NUP62CL: variants seen among roughly 807,000 people sequenced by gnomAD.
NUP62CL encodes nucleoporin 62 C-terminal like, also known as nucleoporin-62 C-terminal-like protein.
A neutral mutation model predicts 15.3 loss-of-function variants in NUP62CL; 13 were observed. The ratio of observed to expected loss-of-function variants is 0.85; its 90% confidence interval spans 0.55 to 1.35. The LOEUF is 1.35. Ranked by LOEUF, NUP62CL falls within the 40% of genes most tolerant of loss-of-function variation. NUP62CL has a pLI of 0.00. For missense variants in NUP62CL, 123 were observed against 130.6 expected, an observed-to-expected ratio of 0.94 and a Z score of 0.28; for synonymous variants, 54 against 49.2, an observed-to-expected ratio of 1.10 and a Z score of -0.41.
At chrX:107,161,855 A>G (rs1339419304) in intron 4 of NUP62CL, among the ~76,000 whole-genome samples, 1 of 106,521 alleles carries the variant, frequency 9.4e-6, no homozygotes, top group African/African-American at 3.4e-5. Context: ...CTATCATATC[A>G]AAACCGAGAA....
rs183874675 is a variant in NUP62CL at position 107,187,667 on chromosome X, G to A, written c.-48+5362C>T. On this transcript the variant is annotated intron_variant, in intron 2 of 8. Transcript: ENST00000372466. ...CCCGCCTAGGCCTCCCAAAGTGCTG[G>A]GATTACAGGCGTGAGCCACTGCACC... 7.8e-3 allele frequency among the ~76,000 whole-genome samples: 875 copies of A among 112,773 alleles called. 12 individuals are homozygous for A. The highest frequency in any genetic ancestry group is 0.026 in the African/African-American group (818 of 31,071).
At chrX:107,189,864 AGGAAAAAGAAAGAAAAGAAAGAAAGAAAG>A (rs1482503090) in intron 2 of NUP62CL, among the ~76,000 whole-genome samples, 2 of 83,349 alleles carry the variant, frequency 2.4e-5, no homozygotes, top group Non-Finnish European at 4.7e-5. Context: ...GAAGGAAGGA[AGGAAAAAGAAAGAAAAGAAAGAAAGAAAG>A]AAAGAAAGAA....
intron 8 of NUP62CL, among the ~76,000 whole-genome samples, chrX:107,139,387 C>T (rs766462076): frequency 8.9e-6 from 1 of 111,872 alleles, no homozygotes; most frequent in South Asian, 3.8e-4. Context: ...AGTTGTAATA[C>T]TGTACTACAG....
chrX:107,174,531 T>C (rs984822364), intron 3 of NUP62CL, among the ~76,000 whole-genome samples: 3 of 111,326 alleles, frequency 2.7e-5, no homozygotes, highest in African/African-American at 6.5e-5. Context: ...TACGAGATAA[T>C]GTCTCACCTC....
intron 8 of NUP62CL, among the ~76,000 whole-genome samples, chrX:107,138,931 A>G (rs1312225291): frequency 8.9e-6 from 1 of 112,166 alleles, no homozygotes; most frequent in Non-Finnish European, 1.9e-5. Flanking sequence ...TGGTTAAACC[A>G]ACTGCGGTAT....
At chrX:107,153,597 T>G (rs112906438) in intron 5 of NUP62CL, 94 bp from the exon 6 acceptor site, 2 of 538,522 alleles carry the variant, frequency 3.7e-6, no homozygotes, top group African/African-American at 4.7e-5. Context: ...ACTTCAAATA[T>G]GAAAGATTTC....
chrX:107,147,373 T>G (rs766957474), intron 8 of NUP62CL, among the ~76,000 whole-genome samples: 1 of 111,319 alleles, frequency 9.0e-6, no homozygotes, highest in Non-Finnish European at 1.9e-5. Flanking sequence ...TGTATTCAAT[T>G]TTAGTATTTG....
chrX:107,189,848 AGG>A (rs1239588580), intron 2 of NUP62CL, among the ~76,000 whole-genome samples: 1 of 92,368 alleles, frequency 1.1e-5, no homozygotes, highest in African/African-American at 4.1e-5. Context: ...GAAGGAAGGA[AGG>A]AAGGAAGGAA....
intron 7 of NUP62CL, 120 bp from the exon 8 acceptor site, chrX:107,147,929 G>A: frequency 2.0e-6 from 1 of 509,694 alleles, no homozygotes; most frequent in East Asian, 3.6e-5. Context: ...AATGGACTGA[G>A]AATTACTAAA....
rs146862596 is a variant in NUP62CL at position 107,132,325 on chromosome X, T to G, written c.*43-7993A>C. 1.6e-3 allele frequency: 1,164 copies of G among 721,833 alleles called. 11 individuals carry two copies. In the African/African-American group the frequency reaches 0.022, roughly 14 times the overall value. 59.5% of individuals were successfully genotyped at this position (721,833 alleles called of 1,213,427 possible). On this transcript the variant is annotated intron_variant, in intron 8 of 8. Coordinates refer to ENST00000372466, the MANE Select transcript of NUP62CL (RefSeq NM_017681.3). ...ATAACTTGTCAAGAACTTTTTAGAG[T>G]TCTTACATAAAAATAATTGCTGTGT...
At chrX:107,156,253 A>T (rs1390798305) in intron 4 of NUP62CL, among the ~76,000 whole-genome samples, 54 of 110,753 alleles carry the variant, frequency 4.9e-4, no homozygotes, top group African/African-American at 1.7e-3. Flanking sequence ...AGCAGCCGGG[A>T]AGCTCCAACT....
chrX:107,147,876 G>A, intron 7 of NUP62CL, 67 bp from the exon 8 acceptor site: 6 of 851,536 alleles, frequency 7.0e-6, no homozygotes, highest in Non-Finnish European at 1.0e-5. Context: ...ATAAACATAA[G>A]AAATTGACAT....
chrX:107,157,317 A>G (rs1221207869), intron 4 of NUP62CL, among the ~76,000 whole-genome samples: 2 of 104,998 alleles, frequency 1.9e-5, no homozygotes, highest in Non-Finnish European at 3.9e-5. Flanking sequence ...ACTCCAAGAC[A>G]CATAATTGTC....
At chrX:107,158,302 C>G (rs1378452597) in intron 4 of NUP62CL, among the ~76,000 whole-genome samples, 1 of 42,942 alleles carries the variant, frequency 2.3e-5, no homozygotes, top group Non-Finnish European at 3.4e-5. Context: ...ACAGAACTCT[C>G]CACCCCAAAT....
chrX:107,200,234 T>C (rs1360190271), intron 1 of NUP62CL, among the ~76,000 whole-genome samples: 1 of 111,895 alleles, frequency 8.9e-6, no homozygotes, highest in African/African-American at 3.2e-5. Context: ...AGCCTTAAGG[T>C]CAGAATCTAA....
intron 2 of NUP62CL, among the ~76,000 whole-genome samples, chrX:107,189,642 C>G (rs778277047): frequency 3.9e-5 from 3 of 77,320 alleles, no homozygotes; most frequent in African/African-American, 6.8e-5. Flanking sequence ...AATAAATTAG[C>G]CAGGTGTGGT....
intron 3 of NUP62CL, among the ~76,000 whole-genome samples, chrX:107,168,908 G>A (rs1238282656): frequency 2.7e-5 from 3 of 111,666 alleles, no homozygotes; most frequent in Non-Finnish European, 5.6e-5. Flanking sequence ...TCCTGCTGAG[G>A]GAACAAGCTC....
intron 2 of NUP62CL, among the ~76,000 whole-genome samples, chrX:107,182,705 A>G (rs1432759911): frequency 9.0e-6 from 1 of 111,354 alleles, no homozygotes; most frequent in African/African-American, 3.3e-5. Context: ...GGAAGGCAGC[A>G]ACTTCAATTA....
intron 4 of NUP62CL, among the ~76,000 whole-genome samples, chrX:107,156,719 G>A (rs1168624676): frequency 1.0e-5 from 1 of 98,807 alleles, no homozygotes; most frequent in Admixed American, 1.1e-4. Context: ...AAAACGCAGA[G>A]CGCCTCTCCT....
Sources: allele counts gnomAD v4.1 joint callset (sites outside exome capture counted in the v4.1 genomes callset), GRCh38; gene constraint gnomAD v4.1.1; transcripts MANE v1.5; gene names NCBI Gene and HGNC (gene_info 2026-07-23, HGNC 2026-07-21).